The following DRG2 variants were observed in gnomAD, a reference collection of about 807,000 sequenced individuals.
DRG2 encodes developmentally regulated GTP binding protein 2, also known as developmentally-regulated GTP-binding protein 2.
DRG2 carries 36 observed loss-of-function variants against 53.4 expected under a neutral mutation model. The observed-to-expected ratio is 0.67, with a 90% CI of 0.52 to 0.89. The LOEUF is 0.89. Among genes scored for constraint, DRG2 ranks in the 40% least tolerant of loss-of-function variants. DRG2 has a pLI of 0.00. For missense variants in DRG2, 342 were observed against 481.2 expected, an observed-to-expected ratio of 0.71 and a Z score of 2.71; for synonymous variants, 167 against 192.1, an observed-to-expected ratio of 0.87 and a Z score of 1.08.
chr17:18,104,665 C>A lies in DRG2; in HGVS notation c.938C>A (p.Ala313Asp). The A allele has an allele frequency of 6.2e-7, 1 of 1,613,928 alleles. No individual in the cohort carries two copies. The highest frequency in any genetic ancestry group is 2.2e-5 in the East Asian group (1 of 44,888). The change falls in exon 11 of 13, where the codon GCC (alanine) becomes GAC (aspartate). Residue 313 changes from alanine to aspartate, a missense_variant. Ala to Asp is a moderately radical substitution (Grantham distance 126, BLOSUM62 -2). Transcript: ENST00000225729. ...GACGCCATCATTCTCCGGAAAGGGG[C>A]CTCAGTGGAGCACGTGGTGAGTTGA... ...FTDAIILRKG[A>D]SVEHVCHRIH... is the part of the protein sequence containing the mutation.
At chr17:18,101,718 A>G in intron 8 of DRG2, 128 bp downstream of exon 8, 2 of 1,084,730 alleles carry the variant, frequency 1.8e-6, no homozygotes. Flanking sequence ...ACCTCACCTC[A>G]GTGGCTGCTT....
chr17:18,101,464 A>G lies in DRG2; in HGVS notation c.632-29A>G, dbSNP rs771800694. The G allele has an allele frequency of 8.1e-6, 13 of 1,610,112 alleles. No homozygotes were observed. In the African/African-American group the frequency reaches 1.1e-4, roughly 13 times the overall value. ...GATGGGGGACAGGGGCAGCTGGTGC[A>G]CAGGTTGCCCTTAATCGGAGCCCCT... On this transcript the variant is annotated intron_variant, in intron 7 of 12. Coordinates refer to ENST00000225729, the MANE Select transcript of DRG2 (RefSeq NM_001388.5).
Position 18,098,130 on chromosome 17 carries a change from T to G in DRG2, c.226-140T>G. 1 of 671,090 alleles carries G rather than the reference T, an allele frequency of 1.5e-6. No homozygotes were observed. The highest frequency in any genetic ancestry group is 2.7e-6 in the Non-Finnish European group (1 of 374,620). 41.6% of individuals were successfully genotyped at this position (671,090 alleles called of 1,614,324 possible). A position where few individuals can be genotyped will look rare whatever the true frequency, so the allele number is the denominator to read the frequency against. On this transcript the variant is annotated intron_variant, in intron 2 of 12. Transcript: ENST00000225729. This position sits in a 1 kb window ranked among gnomAD's most constrained non-coding sequence, Gnocchi z 4.1. ...GTGAGCCCTCTGGCTGGGAGGTCTCTTCACAGCCACCTAGGTCACCAAGCC... is the reference window on the plus strand; with the variant it reads ...GTGAGCCCTCTGGCTGGGAGGTCTCGTCACAGCCACCTAGGTCACCAAGCC...
chr17:18,088,123 T>G (rs1429225994), intron 1 of DRG2, 36 bp downstream of exon 1: 4 of 1,532,686 alleles, frequency 2.6e-6, no homozygotes, highest in Non-Finnish European at 3.5e-6. Flanking sequence ...CCTTTCTGCC[T>G]GCCTCAGTTT....
chr17:18,105,875 A>G (rs917767461), intron 11 of DRG2: 1 of 159,750 alleles, frequency 6.3e-6, no homozygotes, highest in African/African-American at 2.4e-5. Flanking sequence ...AGAGGTCTAC[A>G]CTCTCAGGGC....
chr17:18,100,368 T>A lies in DRG2; in HGVS notation c.473T>A (p.Leu158Gln). 6.2e-7 allele frequency: 1 copy of A among 1,614,206 alleles called. No homozygotes were observed. The highest frequency in any genetic ancestry group is 8.5e-7 in the Non-Finnish European group (1 of 1,180,036). Residue 158 changes from leucine to glutamine, a missense_variant, in exon 6 of 13, where the codon CTG becomes CAG. Physicochemically the swap from Leu to Gln is moderately radical, Grantham distance 113. Coordinates refer to ENST00000225729, the MANE Select transcript of DRG2 (RefSeq NM_001388.5). This position sits in a 1 kb window ranked among gnomAD's most constrained non-coding sequence, Gnocchi z 4.1. ...DATKGEVQRS[L>Q]LEKELESVGI... ...TTAAGGGGTACTCTTCCTAGGTCTC[T>A]GCTGGAGAAGGAGCTGGAGTCTGTG...
intron 7 of DRG2, among the ~76,000 whole-genome samples, chr17:18,101,095 G>C (rs2045525589): frequency 6.6e-6 from 1 of 152,174 alleles, no homozygotes; most frequent in Non-Finnish European, 1.5e-5. Context: ...AGAGTCAGCT[G>C]TGAGCCCCTC....
At chr17:18,094,379 T>G (rs1279503595) in intron 2 of DRG2, 3 of 156,990 alleles carry the variant, frequency 1.9e-5, no homozygotes, top group African/African-American at 7.2e-5. Flanking sequence ...GAGTGGGGGC[T>G]GGTGAGTGAC....
intron 2 of DRG2, chr17:18,096,398 TGGGG>T (rs1241454480): frequency 6.6e-6 from 1 of 152,238 alleles, no homozygotes; most frequent in Admixed American, 6.5e-5. Context: ...TATGGATTCG[TGGGG>T]GGTTATTTTG....
chr17:18,098,465 G>GTCCAGAGCCTGTCCT lies in DRG2; in HGVS notation c.315+106_315+107insTCCAGAGCCTGTCCT. On this transcript the variant is annotated intron_variant, in intron 3 of 12. Coordinates refer to ENST00000225729, the MANE Select transcript of DRG2 (RefSeq NM_001388.5). The surrounding 1 kb of genome is among the most constrained non-coding windows in gnomAD (Gnocchi z 4.1). ...AGTCTGGGTGGATGTCCCCATGTCAGGACAGGCTCTGGACTGAGCTGCTTT... is the reference window on the plus strand; with the variant it reads ...AGTCTGGGTGGATGTCCCCATGTCAGTCCAGAGCCTGTCCTGACAGGCTCTGGACTGAGCTGCTTT... 4.8e-6 allele frequency: 5 copies of GTCCAGAGCCTGTCCT among 1,035,016 alleles called. No homozygotes were observed. The highest frequency in any genetic ancestry group is 7.5e-6 in the Non-Finnish European group (5 of 667,132). The allele number at this position is 1,035,016 out of a possible 1,614,324, so 64.1% of individuals were successfully genotyped here.
intron 1 of DRG2, among the ~76,000 whole-genome samples, chr17:18,089,433 C>CGCCCGGTCTAAGAGA: frequency 6.6e-6 from 1 of 152,324 alleles, no homozygotes; most frequent in African/African-American, 2.4e-5. Context: ...AGCCACCGTG[C>CGCCCGGTCTAAGAGA]CTGGCCGATC....
chr17:18,101,782 A>C, intron 8 of DRG2, 139 bp from the exon 9 acceptor site: 1 of 1,172,296 alleles, frequency 8.5e-7, no homozygotes, highest in East Asian at 2.6e-5. Context: ...AGCCTTCCCA[A>C]CCCTGAGGCA....
chr17:18,099,129 C>A lies in DRG2; in HGVS notation c.376+52C>A. 1 of 1,610,460 alleles carries A rather than the reference C, an allele frequency of 6.2e-7. No individual in the cohort carries two copies. Among genetic ancestry groups the A allele is most frequent in the Non-Finnish European group, 8.5e-7 (1 of 1,177,688 alleles). Reference sequence around the variant, plus strand: ...AGCAGACTGGAGCTCTGTTACTGATCGTTGAAATTGGGTGTGGCTGTCATG... The same window carrying A: ...AGCAGACTGGAGCTCTGTTACTGATAGTTGAAATTGGGTGTGGCTGTCATG... On this transcript the variant is annotated intron_variant, in intron 4 of 12. Coordinates refer to ENST00000225729, the MANE Select transcript of DRG2 (RefSeq NM_001388.5). The surrounding 1 kb of genome is among the most constrained non-coding windows in gnomAD (Gnocchi z 4.4).
At position 18,093,813 on chromosome 17, in the gene DRG2, C is replaced by T. The variant is rs1294334458; in HGVS notation, c.65C>T (p.Ala22Val). The T allele has an allele frequency of 6.2e-7, 1 of 1,613,496 alleles. No individual in the cohort carries two copies. The highest frequency in any genetic ancestry group is 1.3e-5 in the African/African-American group (1 of 75,010). Residue 22 changes from alanine (A) to valine (V), a missense_variant and splice_region_variant, in exon 2 of 13, where the codon GCC (alanine) becomes GTC (valine). Ala to Val is a moderately conservative substitution (Grantham distance 64, BLOSUM62 0). Transcript: ENST00000225729. The stretch of plus-strand genomic sequence containing the variant: ...TTCTGTCTTGCTTTCCATCCTTTAG[C>T]CACTGAGTATCATCTGGGCCTGCTG... ...KEIARTQKNK[A>V]TEYHLGLLKA...
At position 18,101,672 on chromosome 17, in the gene DRG2, A is replaced by G. The variant is rs1012377164; in HGVS notation, c.729+82A>G. The G allele has an allele frequency of 5.8e-6, 8 of 1,388,198 alleles. No individual in the cohort carries two copies. The African/African-American group carries it at 9.9e-5, about 17-fold the overall frequency. The allele number at this position is 1,388,198 out of a possible 1,614,324, so 86.0% of individuals were successfully genotyped here. On this transcript the variant is annotated intron_variant, in intron 8 of 12. Transcript: ENST00000225729. ...TCCTCAGCTCCCGGAACCTTGTGAGAGAAGCAGAAAGAGTCTGAGGCTCTC... is the reference window on the plus strand; with the variant it reads ...TCCTCAGCTCCCGGAACCTTGTGAGGGAAGCAGAAAGAGTCTGAGGCTCTC...
intron 12 of DRG2, among the ~76,000 whole-genome samples, chr17:18,106,775 C>T (rs1262621745): frequency 2.0e-5 from 3 of 149,858 alleles, no homozygotes; most frequent in Admixed American, 6.7e-5. Flanking sequence ...AGTGCAGCCT[C>T]GACATCTGTG....
intron 1 of DRG2, 82 bp from the exon 2 acceptor site, chr17:18,093,731 C>G: frequency 1.3e-6 from 2 of 1,503,566 alleles, no homozygotes. Flanking sequence ...CCAGCCAGCA[C>G]TTGGCGACAT....
In DRG2 at chr17:18,107,484, G is replaced by A. The variant is rs1049090585; in HGVS notation, c.*244G>A. 7.2e-6 allele frequency: 4 copies of A among 553,472 alleles called. No homozygotes were observed. In the African/African-American group the frequency reaches 7.6e-5, roughly 10 times the overall value. 34.3% of individuals were successfully genotyped at this position (553,472 alleles called of 1,614,324 possible). On this transcript the variant is annotated 3_prime_UTR_variant, in exon 13 of 13. Coordinates refer to ENST00000225729, the MANE Select transcript of DRG2 (RefSeq NM_001388.5). ...CTCATGGGGGTTTTGAGTTTGTAGTGCTGAGCCTGCATCTGTGCCTCCCAG... is the reference window on the plus strand; with the variant it reads ...CTCATGGGGGTTTTGAGTTTGTAGTACTGAGCCTGCATCTGTGCCTCCCAG...
At chr17:18,091,440 GC>G (rs1307266755) in intron 1 of DRG2, among the ~76,000 whole-genome samples, 4 of 152,106 alleles carry the variant, frequency 2.6e-5, no homozygotes, top group African/African-American at 9.7e-5. Context: ...ACAAAAATTA[GC>G]CAGGCATGGT....
Sources: gnomAD v4.1 joint callset for allele counts (sites outside exome capture counted in the v4.1 genomes callset) on GRCh38, gnomAD v4.1.1 for gene constraint, Gnocchi (gnomAD v3.1) non-coding constraint, MANE v1.5 for transcripts, NCBI Gene and HGNC (gene_info 2026-07-23, HGNC 2026-07-21) for gene names.